MAGI3: variants seen among roughly 807,000 people sequenced by gnomAD.
MAGI3 encodes the protein membrane-associated guanylate kinase, WW and PDZ domain-containing protein 3.
Under a neutral mutation model 121.8 loss-of-function variants are expected in MAGI3, and 43 were observed. The ratio of observed to expected loss-of-function variants is 0.35; its 90% CI spans 0.28 to 0.46. The LOEUF (loss-of-function observed/expected upper bound fraction) is 0.46, where lower values mean the gene tolerates loss of function less well. Among genes scored for constraint, MAGI3 ranks in the 20% least tolerant of loss-of-function variants. MAGI3 has a pLI of 1.00. For synonymous variants in MAGI3, 553 were observed against 639.3 expected (o/e 0.86, Z 2.04); for missense variants, 1,547 against 1,797.3 (o/e 0.86, Z 2.52).
At chr1:113,657,775 G>A (rs190006915) in intron 15 of MAGI3, among the ~76,000 whole-genome samples, 7 of 152,294 alleles carry the variant, frequency 4.6e-5, no homozygotes, top group East Asian at 3.8e-4. Flanking sequence ...CTCTAATTAC[G>A]TTGTTTGTAA....
intron 1 of MAGI3, among the ~76,000 whole-genome samples, chr1:113,547,274 C>G (rs1659579240): frequency 6.7e-6 from 1 of 149,574 alleles, no homozygotes; most frequent in Non-Finnish European, 1.5e-5. Context: ...TATACCATAT[C>G]TGACAGTAAA....
At chr1:113,508,018 G>T (rs375065985) in intron 1 of MAGI3, among the ~76,000 whole-genome samples, 2 of 152,290 alleles carry the variant, frequency 1.3e-5, no homozygotes, top group South Asian at 2.1e-4. Flanking sequence ...CCTAGGTCAA[G>T]TTTTCCTTTT....
intron 9 of MAGI3, among the ~76,000 whole-genome samples, chr1:113,639,860 G>C (rs139350717): frequency 6.6e-6 from 1 of 152,004 alleles, no homozygotes; most frequent in African/African-American, 2.4e-5. Context: ...GAGCCACCGC[G>C]TCTGGCCTAA....
At chr1:113,421,985 T>G (rs978041964) in intron 1 of MAGI3, among the ~76,000 whole-genome samples, 24 of 152,206 alleles carry the variant, frequency 1.6e-4, no homozygotes, top group African/African-American at 5.3e-4. Flanking sequence ...TTTTGGAATT[T>G]CACCTCTTAT....
At position 113,549,523 on chromosome 1, in the gene MAGI3, A is replaced by T; in HGVS notation, c.325A>T (p.Ile109Phe). Residue 109 changes from isoleucine (I) to phenylalanine (F), a missense_variant, in exon 2 of 21, where the codon ATT becomes TTT. Transcript: ENST00000307546. The part of the protein sequence containing the change: ...RLKTVKPGKV[I>F]NKDLRHYLSL... ...TTTTGTCTTTGCTCCAGGCAAAGTC[A>T]TTAATAAAGATTTGCGGCATTACCT... is the stretch of plus-strand genomic sequence containing the variant. 6.3e-7 allele frequency: 1 copy of T among 1,575,868 alleles called. No individual in the cohort carries two copies. Among genetic ancestry groups the T allele is most frequent in the Non-Finnish European group, 8.6e-7 (1 of 1,158,988 alleles).
At chr1:113,508,789 A>G (rs1320676607) in intron 1 of MAGI3, among the ~76,000 whole-genome samples, 1 of 152,218 alleles carries the variant, frequency 6.6e-6, no homozygotes, top group Non-Finnish European at 1.5e-5. Context: ...ATCTGTGCTT[A>G]TCTTACATTG....
chr1:113,453,840 A>G (rs1427938763), intron 1 of MAGI3, among the ~76,000 whole-genome samples: 1 of 152,250 alleles, frequency 6.6e-6, no homozygotes, highest in Non-Finnish European at 1.5e-5. Flanking sequence ...TTAGTATGAG[A>G]AGAGAGCAAC....
At chr1:113,434,712 C>T (rs1282495159) in intron 1 of MAGI3, among the ~76,000 whole-genome samples, 1 of 152,144 alleles carries the variant, frequency 6.6e-6, no homozygotes, top group Non-Finnish European at 1.5e-5. Flanking sequence ...AGACAAGGAT[C>T]AGTTTCTTAT....
rs191738829 is a variant in MAGI3, at chr1:113,537,248, C to T, written c.317-12267C>T. On this transcript the variant is annotated intron_variant, in intron 1 of 20. Transcript: ENST00000307546. ...TCTCCGTTTCTCTATGAATTTTTGT[C>T]TTTTGCTCCTAGGCATTGGGAATTT... 4.5e-3 allele frequency among the ~76,000 whole-genome samples: 679 copies of T among 152,234 alleles called. 10 individuals are homozygous for T. The highest frequency in any genetic ancestry group is 7.1e-3 in the South Asian group (34 of 4,820).
intron 1 of MAGI3, among the ~76,000 whole-genome samples, chr1:113,485,874 C>T (rs1656356526): frequency 6.6e-6 from 1 of 152,144 alleles, no homozygotes; most frequent in South Asian, 2.1e-4. Context: ...TTTCATTTTT[C>T]TACATCTGAC....
chr1:113,488,443 C>T (rs116794006), intron 1 of MAGI3, among the ~76,000 whole-genome samples: 164 of 152,336 alleles, frequency 1.1e-3, no homozygotes, highest in Middle Eastern at 6.8e-3. Flanking sequence ...CTCCCAGGCC[C>T]CATTCCTGCT....
intron 1 of MAGI3, among the ~76,000 whole-genome samples, chr1:113,513,389 A>G (rs1354400269): frequency 6.6e-6 from 1 of 152,232 alleles, no homozygotes; most frequent in Non-Finnish European, 1.5e-5. Flanking sequence ...CTACAAGGCT[A>G]CAGTGACCAA....
At chr1:113,576,058 C>G (rs1647616009) in intron 2 of MAGI3, among the ~76,000 whole-genome samples, 1 of 152,212 alleles carries the variant, frequency 6.6e-6, no homozygotes, top group Non-Finnish European at 1.5e-5. Flanking sequence ...GCTCGATCAT[C>G]CCAGGTGGAC....
intron 1 of MAGI3, among the ~76,000 whole-genome samples, chr1:113,393,287 A>G (rs770079166): frequency 1.3e-5 from 2 of 152,192 alleles, no homozygotes; most frequent in Admixed American, 6.5e-5. Context: ...ACACTGTTCT[A>G]TTTTAAAGAT....
chr1:113,639,328 C>A, intron 9 of MAGI3, among the ~76,000 whole-genome samples: 1 of 152,252 alleles, frequency 6.6e-6, no homozygotes. Context: ...TTCTGCGTCG[C>A]TCACGCTGGG....
At position 113,684,685 on chromosome 1, in the gene MAGI3, T is replaced by TAA. The variant is rs1404322877; in HGVS notation, c.*673_*674dup. 1 of 152,412 alleles carries TAA rather than the reference T, an allele frequency of 6.6e-6. No homozygotes were observed. Among genetic ancestry groups the TAA allele is most frequent in the Admixed American group, 6.5e-5 (1 of 15,286 alleles). 9.4% of individuals were successfully genotyped at this position (152,412 alleles called of 1,614,324 possible). On this transcript the variant is annotated 3_prime_UTR_variant, in exon 21 of 21. Transcript: ENST00000307546. ...TGGATAAGTTGTTTCAAATAACTGT[T>TAA]AAAGATATTACTTACAATTGAATGT...
intron 2 of MAGI3, among the ~76,000 whole-genome samples, chr1:113,574,463 A>G (rs1271167376): frequency 6.6e-6 from 1 of 152,188 alleles, no homozygotes; most frequent in African/African-American, 2.4e-5. Context: ...GTTTGGATAG[A>G]TTTGAAATTC....
At chr1:113,682,686 G>T (rs935653348) in intron 20 of MAGI3, 7 of 976,772 alleles carry the variant, frequency 7.2e-6, no homozygotes, top group Non-Finnish European at 7.3e-6. Flanking sequence ...ATTATTTTGT[G>T]TATATAAACA....
chr1:113,571,733 C>T (rs550911807), intron 2 of MAGI3, among the ~76,000 whole-genome samples: 6 of 152,272 alleles, frequency 3.9e-5, no homozygotes, highest in African/African-American at 1.4e-4. Context: ...GATTTTTGCA[C>T]ATTGATTTTT....
Sources: allele counts gnomAD v4.1 joint callset (sites outside exome capture counted in the v4.1 genomes callset), GRCh38; gene constraint gnomAD v4.1.1; transcripts MANE v1.5; gene names NCBI Gene and HGNC (gene_info 2026-07-23, HGNC 2026-07-21).